Variants in KCNIP4 observed in about 807,000 individuals in gnomAD.
The protein encoded by KCNIP4 is Kv channel-interacting protein 4.
KCNIP4 carries 12 observed loss-of-function variants against 34.0 expected under a neutral mutation model. The ratio of observed to expected loss-of-function variants is 0.35; its 90% confidence interval spans 0.23 to 0.57. The LOEUF is 0.57. KCNIP4 is among the 20% of genes least tolerant of loss of function. The pLI is 0.83. For missense variants in KCNIP4, 238 were observed against 311.7 expected (o/e 0.76, Z 1.78); for synonymous variants, 124 against 102.2 (o/e 1.21, Z -1.29).
At chr4:20,853,605 C>CCAAAAG (rs143110247) in intron 2 of KCNIP4, among the ~76,000 whole-genome samples, 52,429 of 151,152 alleles carry the variant, frequency 0.35, 10,064 homozygotes, top group Admixed American at 0.45. Context: ...GACCAAGAAC[C>CCAAAAG]CAAAAGCAAA....
chr4:21,428,405 TA>T (rs1726116382), intron 1 of KCNIP4, among the ~76,000 whole-genome samples: 1 of 152,118 alleles, frequency 6.6e-6, no homozygotes, highest in Non-Finnish European at 1.5e-5. Flanking sequence ...TCAACCCAAA[TA>T]AAAGTTAAGT....
intron 1 of KCNIP4, among the ~76,000 whole-genome samples, chr4:20,971,609 T>C (rs1299129134): frequency 6.6e-6 from 1 of 152,242 alleles, no homozygotes; most frequent in African/African-American, 2.4e-5. Flanking sequence ...TAAAAATTGA[T>C]AACAATCATG....
intron 1 of KCNIP4, among the ~76,000 whole-genome samples, chr4:21,094,311 C>T (rs1412095762): frequency 6.6e-6 from 1 of 152,108 alleles, no homozygotes; most frequent in East Asian, 1.9e-4. Context: ...ACAACTTCCT[C>T]ATACAATGAA....
At chr4:20,846,034 C>T (rs73802367) in intron 3 of KCNIP4, among the ~76,000 whole-genome samples, 13,893 of 152,008 alleles carry the variant, frequency 0.091, 1,101 homozygotes, top group African/African-American at 0.22. Flanking sequence ...AATTGTTACA[C>T]GGCAACAGAA....
chr4:21,558,218 G>A (rs1739231166), intron 1 of KCNIP4, among the ~76,000 whole-genome samples: 1 of 152,110 alleles, frequency 6.6e-6, no homozygotes, highest in African/African-American at 2.4e-5. Context: ...AGGACCTGGT[G>A]CAGTGGCTCA....
In KCNIP4 at chr4:21,692,006, CTCTT is replaced by C. The variant is rs142009342; in HGVS notation, c.61+256561_61+256564del. 4.4e-3 allele frequency among the ~76,000 whole-genome samples: 665 copies of C among 152,088 alleles called. 3 individuals are homozygous for C. The highest frequency in any genetic ancestry group is 0.015 in the African/African-American group (629 of 41,532). On this transcript the variant is annotated intron_variant, in intron 1 of 8. Coordinates refer to ENST00000382152, the MANE Select transcript of KCNIP4 (RefSeq NM_025221.6). ...ATCCACCGCACCAGGCCAAATGCAA[CTCTT>C]TCTATGAACATGAGCTCCTCCCTTT...
intron 1 of KCNIP4, among the ~76,000 whole-genome samples, chr4:21,907,740 T>C: frequency 6.6e-6 from 1 of 152,174 alleles, no homozygotes; most frequent in East Asian, 1.9e-4. Context: ...ATTTTTTCCA[T>C]GTGTATGAAG....
chr4:20,908,301 T>C (rs991814431), intron 1 of KCNIP4, among the ~76,000 whole-genome samples: 2 of 152,124 alleles, frequency 1.3e-5, no homozygotes, highest in Non-Finnish European at 2.9e-5. Flanking sequence ...GGCTTCAACA[T>C]GTTGGTCAGG....
chr4:21,210,016 T>G (rs533767519), intron 1 of KCNIP4, among the ~76,000 whole-genome samples: 4 of 152,194 alleles, frequency 2.6e-5, no homozygotes, highest in Non-Finnish European at 5.9e-5. Context: ...AACGGTTATT[T>G]AAAACTCTCA....
At chr4:21,483,450 C>T (rs889972571) in intron 1 of KCNIP4, among the ~76,000 whole-genome samples, 2 of 150,554 alleles carry the variant, frequency 1.3e-5, no homozygotes, top group African/African-American at 4.9e-5. Context: ...AGTACCATCC[C>T]TCTAGTCCTG....
chr4:21,166,655 A>G (rs1249153416), intron 1 of KCNIP4, among the ~76,000 whole-genome samples: 3 of 152,072 alleles, frequency 2.0e-5, no homozygotes, highest in Admixed American at 1.3e-4. Context: ...AAGTGAGTGG[A>G]TGGCCTGGTG....
chr4:21,519,564 A>ATGTGTATATACACATGTGTG (rs1245211490), intron 1 of KCNIP4, among the ~76,000 whole-genome samples: 2 of 23,488 alleles, frequency 8.5e-5, no homozygotes, highest in African/African-American at 3.3e-4. Context: ...GTGTATGTGT[A>ATGTGTATATACACATGTGTG]TATATACACA....
intron 1 of KCNIP4, among the ~76,000 whole-genome samples, chr4:21,003,469 A>G (rs1234560698): frequency 2.0e-5 from 3 of 152,212 alleles, no homozygotes; most frequent in Admixed American, 6.5e-5. Flanking sequence ...TAAACAACAA[A>G]GCTTACTTGT....
rs150078903 is a variant in KCNIP4, at chr4:20,886,423, T to A, written c.62-3714A>T. On this transcript the variant is annotated intron_variant, in intron 1 of 8. Transcript: ENST00000382152. ...GGTTAAGAGAGAATTGATGTATGCG[T>A]GTGTATTCTGCAGGTAGCTGGTGGG... Among the ~76,000 whole-genome samples the A allele has an allele frequency of 1.1e-4, 17 of 152,250 alleles. No individual in the cohort carries two copies. In the Middle Eastern group the frequency reaches 0.014, roughly 122 times the overall value.
intron 1 of KCNIP4, among the ~76,000 whole-genome samples, chr4:21,947,572 G>A (rs1730576588): frequency 6.6e-6 from 1 of 152,130 alleles, no homozygotes. Context: ...AAGTTGTTGA[G>A]GTGACTCCAT....
chr4:21,660,674 C>T (rs1255523233), intron 1 of KCNIP4, among the ~76,000 whole-genome samples: 1 of 152,154 alleles, frequency 6.6e-6, no homozygotes, highest in Non-Finnish European at 1.5e-5. Context: ...AGAGTGGGCT[C>T]ATGAGATGTG....
At chr4:20,864,442 G>A (rs6835474) in intron 2 of KCNIP4, among the ~76,000 whole-genome samples, 15,413 of 151,232 alleles carry the variant, frequency 0.1, 876 homozygotes, top group South Asian at 0.13. Context: ...CCCCATCAGC[G>A]TACTATAAAT....
chr4:21,374,645 G>A (rs1332053680), intron 1 of KCNIP4, among the ~76,000 whole-genome samples: 3 of 147,626 alleles, frequency 2.0e-5, no homozygotes, highest in African/African-American at 8.1e-5. Context: ...TTTAAAATAT[G>A]ATGGCAGTTT....
rs148354245 is a variant in KCNIP4 at position 20,793,367 on chromosome 4, T to A, written c.289-34477A>T. On this transcript the variant is annotated intron_variant, in intron 3 of 8. Transcript: ENST00000382152. Reference sequence around the variant, plus strand: ...CTGCAAATTAGTCATGCTGAGACAATGTAGATCAATGGCTGTCTGTGAATG... The same window carrying A: ...CTGCAAATTAGTCATGCTGAGACAAAGTAGATCAATGGCTGTCTGTGAATG... Among the ~76,000 whole-genome samples, 4 of 152,260 alleles carry A rather than the reference T, an allele frequency of 2.6e-5. No homozygotes were observed. In the East Asian group the frequency reaches 7.7e-4, roughly 29 times the overall value.
Sources: gnomAD v4.1 joint callset for allele counts (sites outside exome capture counted in the v4.1 genomes callset) on GRCh38, gnomAD v4.1.1 for gene constraint, MANE v1.5 for transcripts, NCBI Gene and HGNC (gene_info 2026-07-23, HGNC 2026-07-21) for gene names.